NUP62CL: variants seen among roughly 807,000 people sequenced by gnomAD.
NUP62CL encodes nucleoporin-62 C-terminal-like protein.
A neutral mutation model predicts 15.3 loss-of-function variants in NUP62CL; 13 were observed. The observed-to-expected ratio is 0.85, with a 90% CI of 0.55 to 1.35. The LOEUF is 1.35. Among genes scored for constraint, NUP62CL ranks in the 40% most tolerant of loss-of-function variants. The probability of loss-of-function intolerance (pLI) is 0.00; values close to 1 mark genes in which losing one functional copy is unlikely to be tolerated. For synonymous variants in NUP62CL, 54 were observed against 49.2 expected, an observed-to-expected ratio of 1.10 and a Z score of -0.41; for missense variants, 123 against 130.6, an observed-to-expected ratio of 0.94 and a Z score of 0.28.
intron 1 of NUP62CL, among the ~76,000 whole-genome samples, chrX:107,194,253 C>T (rs896262780): frequency 9.0e-6 from 1 of 111,127 alleles, no homozygotes; most frequent in African/African-American, 3.3e-5. Context: ...TGCAAGCAGG[C>T]AATCCCTCCT....
chrX:107,176,333 C>T (rs1926782324), intron 2 of NUP62CL, among the ~76,000 whole-genome samples: 2 of 111,202 alleles, frequency 1.8e-5, no homozygotes, highest in South Asian at 7.6e-4. Context: ...GTCCTGAAAT[C>T]GGAAGAATTA....
chrX:107,148,328 G>A (rs966158160), intron 7 of NUP62CL, among the ~76,000 whole-genome samples: 3 of 111,257 alleles, frequency 2.7e-5, no homozygotes, highest in African/African-American at 6.5e-5. Context: ...TTCTATTTCC[G>A]TTATCCAGAG....
chrX:107,173,752 A>C (rs997791214), intron 3 of NUP62CL, among the ~76,000 whole-genome samples: 1 of 111,371 alleles, frequency 9.0e-6, no homozygotes, highest in Non-Finnish European at 1.9e-5. Flanking sequence ...ATGCCTAACT[A>C]TGCCAATAAC....
rs3072235 is a variant in NUP62CL, at chrX:107,185,196, C to CAAAAAAAAA, written c.-48+7824_-48+7832dup. 7.2e-4 allele frequency among the ~76,000 whole-genome samples: 15 copies of CAAAAAAAAA among 20,977 alleles called. 2 individuals carry two copies. The highest frequency in any genetic ancestry group is 2.2e-3 in the African/African-American group (14 of 6,462). The allele number at this position is 20,977 out of a possible 115,157, so 18.2% of individuals were successfully genotyped here. On this transcript the variant is annotated intron_variant, in intron 2 of 8. Transcript: ENST00000372466. Reference sequence around the variant, plus strand: ...TGGGCGACACAGCGAGACTCCGTCTCAAAAAAAAAAAAAAAAAAAAAAAAA... The same window carrying CAAAAAAAAA: ...TGGGCGACACAGCGAGACTCCGTCTCAAAAAAAAAAAAAAAAAAAAAAAAAAAAAAAAAA...
At chrX:107,148,466 C>T (rs1364081152) in intron 7 of NUP62CL, among the ~76,000 whole-genome samples, 2 of 111,109 alleles carry the variant, frequency 1.8e-5, no homozygotes, top group African/African-American at 6.5e-5. Flanking sequence ...CCTGATGAAA[C>T]ATTATAGTAC....
At chrX:107,178,255 C>A (rs925491800) in intron 2 of NUP62CL, among the ~76,000 whole-genome samples, 9 of 111,612 alleles carry the variant, frequency 8.1e-5, no homozygotes, top group Non-Finnish European at 1.7e-4. Flanking sequence ...TATTCTAATA[C>A]GGCCTGTTGT....
rs1216907874 is a variant in NUP62CL, at chrX:107,137,558, T to G, written c.*42+10185A>C. On this transcript the variant is annotated intron_variant, in intron 8 of 8. Coordinates refer to ENST00000372466, the MANE Select transcript of NUP62CL (RefSeq NM_017681.3). ...TTCAGCAATGTCAAAAGATATAAAA[T>G]CAACACACAAAAATTGTGTTGATTT... is the stretch of plus-strand genomic sequence containing the variant. Among the ~76,000 whole-genome samples the G allele has an allele frequency of 2.7e-5, 3 of 111,707 alleles. No homozygotes were observed. The East Asian group carries it at 8.5e-4, about 32-fold the overall frequency.
intron 2 of NUP62CL, among the ~76,000 whole-genome samples, chrX:107,189,933 G>T (rs1435499617): frequency 1.9e-5 from 2 of 106,034 alleles, no homozygotes; most frequent in East Asian, 5.9e-4. Context: ...AAGAAAGAAA[G>T]AAAGAAAGAA....
chrX:107,154,058 T>G (rs779736841), intron 5 of NUP62CL, 38 bp downstream of exon 5: 34 of 1,113,120 alleles, frequency 3.1e-5, no homozygotes, highest in Non-Finnish European at 3.9e-5. Flanking sequence ...TGCAAATACT[T>G]GCACAATGTA....
chrX:107,141,727 C>T (rs746205002), intron 8 of NUP62CL, among the ~76,000 whole-genome samples: 13 of 111,898 alleles, frequency 1.2e-4, no homozygotes, highest in Non-Finnish European at 2.3e-4. Context: ...GCATCTGATA[C>T]TCTTCAGATA....
intron 1 of NUP62CL, among the ~76,000 whole-genome samples, chrX:107,203,658 CA>C (rs1927540138): frequency 3.6e-5 from 4 of 110,272 alleles, no homozygotes; most frequent in Admixed American, 2.9e-4. Flanking sequence ...GTTAATAATG[CA>C]AAATATAAAG....
chrX:107,125,159 C>A (rs1925358189), intron 8 of NUP62CL, among the ~76,000 whole-genome samples: 1 of 111,966 alleles, frequency 8.9e-6, no homozygotes, highest in South Asian at 3.7e-4. Context: ...GAATGAAGAA[C>A]TTTATGATGA....
chrX:107,189,820 A>G (rs1434951763), intron 2 of NUP62CL, among the ~76,000 whole-genome samples: 3 of 61,976 alleles, frequency 4.8e-5, no homozygotes, highest in African/African-American at 1.2e-4. Flanking sequence ...GAAAGAAAGA[A>G]AGAAGGAGGG....
chrX:107,136,340 A>C (rs1602636514), intron 8 of NUP62CL, among the ~76,000 whole-genome samples: 1 of 112,063 alleles, frequency 8.9e-6, no homozygotes, highest in South Asian at 3.7e-4. Flanking sequence ...ACCAATTCCT[A>C]AAAGACTACA....
intron 8 of NUP62CL, 38 bp downstream of exon 8, chrX:107,147,705 C>A: frequency 7.2e-6 from 6 of 837,107 alleles, no homozygotes; most frequent in Non-Finnish European, 1.1e-5. Context: ...TTTCTACTTG[C>A]AATAAATACA....
chrX:107,148,952 G>A (rs767419577), intron 7 of NUP62CL, among the ~76,000 whole-genome samples: 1 of 111,194 alleles, frequency 9.0e-6, no homozygotes, highest in East Asian at 2.8e-4. Context: ...TGTTTTTCCC[G>A]TTTCTTGTCC....
At chrX:107,189,602 C>T (rs1927156007) in intron 2 of NUP62CL, among the ~76,000 whole-genome samples, 1 of 84,894 alleles carries the variant, frequency 1.2e-5, no homozygotes, top group Non-Finnish European at 2.1e-5. Flanking sequence ...ATGGTGAAAC[C>T]CCGTCCCTAC....
At chrX:107,169,888 G>A (rs2147807232) in intron 3 of NUP62CL, among the ~76,000 whole-genome samples, 1 of 110,847 alleles carries the variant, frequency 9.0e-6, no homozygotes, top group Non-Finnish European at 1.9e-5. Context: ...AAAGTAATCT[G>A]TACTTCCTAA....
At chrX:107,126,214 A>C (rs1925382704) in intron 8 of NUP62CL, among the ~76,000 whole-genome samples, 1 of 112,538 alleles carries the variant, frequency 8.9e-6, no homozygotes, top group Admixed American at 9.4e-5. Context: ...ACAAAAAAAC[A>C]TTGCTAAGAA....
Sources: allele counts gnomAD v4.1 joint callset (sites outside exome capture counted in the v4.1 genomes callset), GRCh38; gene constraint gnomAD v4.1.1; transcripts MANE v1.5; gene names NCBI Gene and HGNC (gene_info 2026-07-23, HGNC 2026-07-21).